OTOG: variants seen among roughly 807,000 people sequenced by gnomAD.
OTOG encodes otogelin.
A neutral mutation model predicts 313.8 loss-of-function variants in OTOG; 296 were observed. The observed-to-expected ratio is 0.94, with a 90% confidence interval of 0.86 to 1.04. The LOEUF (loss-of-function observed/expected upper bound fraction) is 1.04, where lower values mean the gene tolerates loss of function less well. OTOG is among the 50% of genes least tolerant of loss of function. The pLI is 0.00. For missense variants in OTOG, 3,948 were observed against 3,840.1 expected (o/e 1.03, Z -0.74); for synonymous variants, 1,533 against 1,554.9 (o/e 0.99, Z 0.33).
Position 17,558,583 on chromosome 11 carries a change from G to C in OTOG, c.1042G>C (p.Ala348Pro), listed in dbSNP as rs191354103. Reference protein sequence around the residue: ...CEALLRPPFDACHAYVSPLPF... With the variant: ...CEALLRPPFDPCHAYVSPLPF... Reference sequence around the variant, plus strand: ...GGCTCTACTGCGGCCCCCCTTTGACGCCTGCCACGCCTACGTCAGCCCTCT... The same window carrying C: ...GGCTCTACTGCGGCCCCCCTTTGACCCCTGCCACGCCTACGTCAGCCCTCT... Residue 348 changes from alanine (A) to proline (P), a missense_variant, in exon 10 of 56, where the codon GCC becomes CCC. Transcript: ENST00000399397. 2 of 1,550,366 alleles carry C rather than the reference G, an allele frequency of 1.3e-6. No homozygotes were observed. Among genetic ancestry groups the C allele is most frequent in the East Asian group, 2.4e-5 (1 of 40,922 alleles).
chr11:17,577,022 C>A, intron 22 of OTOG, 111 bp downstream of exon 22: 1 of 1,095,778 alleles, frequency 9.1e-7, no homozygotes, highest in Non-Finnish European at 1.3e-6. Flanking sequence ...TTTTGCCCTA[C>A]ATTGGGCCTT....
intron 32 of OTOG, among the ~76,000 whole-genome samples, chr11:17,605,513 G>A (rs1305369829): frequency 1.3e-5 from 2 of 152,198 alleles, no homozygotes; most frequent in African/African-American, 4.8e-5. Flanking sequence ...TGCGTATCTA[G>A]AATAGTGCCT....
rs1158956222 is a variant in OTOG at position 17,557,157 on chromosome 11, G to A, written c.699G>A (p.Gln233=). ...LPHVMGSARL[Q]QLAGYVIVRH... ...ATGTCATGGGGAGCGCGCGTCTGCA[G>A]CAGCTTGCCGGCTATGTCATCGTGC... The change falls in exon 8 of 56, where the codon CAG becomes CAA. Residue 233 remains glutamine, a synonymous_variant. Transcript: ENST00000399397. 18 of 1,550,574 alleles carry A rather than the reference G, an allele frequency of 1.2e-5. No individual in the cohort carries two copies. Among genetic ancestry groups the A allele is most frequent in the Non-Finnish European group, 1.6e-5 (18 of 1,147,004 alleles).
chr11:17,638,304 C>A, intron 47 of OTOG, 147 bp from the exon 48 acceptor site: 1 of 688,480 alleles, frequency 1.5e-6, no homozygotes, highest in Admixed American at 3.1e-5. Context: ...CTTCGGGTGC[C>A]CAGACTCTTC....
In OTOG at chr11:17,610,909, C is replaced by A; in HGVS notation, c.5609C>A (p.Ala1870Glu). 6.4e-7 allele frequency: 1 copy of A among 1,550,606 alleles called. No individual in the cohort carries two copies. The highest frequency in any genetic ancestry group is 8.7e-7 in the Non-Finnish European group (1 of 1,147,000). Residue 1870 changes from alanine to glutamate, a missense_variant, in exon 36 of 56, where the codon GCA becomes GAA. Transcript: ENST00000399397. ...HPPTHIAPPA[A>E]GTAPGLLLGA... ...CCCACTCACATAGCACCCCCAGCAG[C>A]AGGCACAGCTCCAGGCCTGCTGCTG...
chr11:17,610,816 C>A lies in OTOG; in HGVS notation c.5516C>A (p.Thr1839Asn), dbSNP rs1262315356. 3.9e-6 allele frequency: 6 copies of A among 1,550,920 alleles called. No individual in the cohort carries two copies. Among genetic ancestry groups the A allele is most frequent in the Non-Finnish European group, 5.2e-6 (6 of 1,147,026 alleles). ...ACTCCACTCCAGCCACAGGCCACGA[C>A]TCTGCCTGCTCAGACACTTAGCCCA... Reference protein sequence around the residue: ...ITTPLQPQATTLPAQTLSPVL... With the variant: ...ITTPLQPQATNLPAQTLSPVL... Residue 1839 changes from threonine (T) to asparagine (N), a missense_variant, in exon 36 of 56, where the codon ACT (threonine) becomes AAT (asparagine). Coordinates refer to ENST00000399397, the MANE Select transcript of OTOG (RefSeq NM_001292063.2).
At chr11:17,612,117 G>C (rs1338255073) in intron 36 of OTOG, 45 bp from the exon 37 acceptor site, 3 of 1,545,412 alleles carry the variant, frequency 1.9e-6, no homozygotes, top group Non-Finnish European at 2.6e-6. Flanking sequence ...AGGGTGGGCT[G>C]TAGCTCCTTG....
Position 17,558,270 on chromosome 11 carries a change from C to T in OTOG, c.951C>T (p.Ser317=), listed in dbSNP as rs1009931498. ...PNQPPGPTTS[S]LPRPPCLQQN... ...AGCCTCCAGGGCCCACAACTTCCTC[C>T]CTGCCTCGCCCACCGTGCCTACAGC... The change falls in exon 9 of 56, where the codon TCC becomes TCT. Residue 317 remains serine, a synonymous_variant. Transcript: ENST00000399397. The T allele has an allele frequency of 1.2e-5, 19 of 1,550,632 alleles. No homozygotes were observed. Among genetic ancestry groups the T allele is most frequent in the Admixed American group, 2.0e-5 (1 of 50,980 alleles).
At chr11:17,641,141 G>A in intron 51 of OTOG, 50 bp downstream of exon 51, 1 of 1,495,332 alleles carries the variant, frequency 6.7e-7, no homozygotes, top group Non-Finnish European at 8.9e-7. Context: ...GGCTTGCCTG[G>A]CAGACCTTGG....
intron 25 of OTOG, among the ~76,000 whole-genome samples, chr11:17,592,480 A>G (rs112804223): frequency 6.6e-6 from 1 of 152,158 alleles, no homozygotes; most frequent in Non-Finnish European, 1.5e-5. Context: ...TTCTGTTCCT[A>G]TCTCCTGTTA....
chr11:17,608,191 A>T, intron 33 of OTOG, 105 bp from the exon 34 acceptor site: 1 of 719,486 alleles, frequency 1.4e-6, no homozygotes, highest in South Asian at 2.2e-5. Context: ...CTTTCCCTGC[A>T]TGGGTCCATT....
chr11:17,578,330 A>G, intron 22 of OTOG, 43 bp from the exon 23 acceptor site: 1 of 1,439,110 alleles, frequency 6.9e-7, no homozygotes, highest in Admixed American at 2.7e-5. Context: ...AGGAGCCCAT[A>G]CTGAGGCCCC....
intron 3 of OTOG, 125 bp downstream of exon 3, chr11:17,548,337 G>A: frequency 1.4e-6 from 1 of 692,768 alleles, no homozygotes; most frequent in Non-Finnish European, 2.2e-6. Flanking sequence ...GGAACAAGCA[G>A]ATTCCTGGTA....
intron 7 of OTOG, 79 bp downstream of exon 7, chr11:17,555,976 C>A: frequency 1.7e-6 from 2 of 1,151,080 alleles, no homozygotes; most frequent in Non-Finnish European, 2.5e-6. Flanking sequence ...CCGCTCTTCT[C>A]AAGCCCAAAG....
At chr11:17,633,235 A>G (rs376758641) in intron 42 of OTOG, among the ~76,000 whole-genome samples, 1 of 152,240 alleles carries the variant, frequency 6.6e-6, no homozygotes, top group Non-Finnish European at 1.5e-5. Flanking sequence ...TTAGGCCACA[A>G]TGTAAAATCT....
At chr11:17,636,884 T>C (rs759512651) in intron 47 of OTOG, among the ~76,000 whole-genome samples, 16 of 152,130 alleles carry the variant, frequency 1.1e-4, no homozygotes, top group Non-Finnish European at 2.1e-4. Flanking sequence ...ATTTGTAAAA[T>C]AGCGATGCTA....
chr11:17,614,073 A>C (rs551732354), intron 39 of OTOG, among the ~76,000 whole-genome samples: 40 of 152,304 alleles, frequency 2.6e-4, no homozygotes, highest in African/African-American at 9.6e-4. Flanking sequence ...CCAGGAAGTG[A>C]GGAGCCGTGA....
At chr11:17,571,849 A>T (rs1228486942) in intron 17 of OTOG, among the ~76,000 whole-genome samples, 1 of 152,056 alleles carries the variant, frequency 6.6e-6, no homozygotes, top group Non-Finnish European at 1.5e-5. Flanking sequence ...CACTTTGGCT[A>T]TATGCATGTC....
At chr11:17,643,440 C>A in intron 53 of OTOG, 21 bp from the exon 54 acceptor site, 2 of 1,428,988 alleles carry the variant, frequency 1.4e-6, no homozygotes, top group Non-Finnish European at 1.8e-6. Context: ...CTACCTACCT[C>A]CCCCGACTTC....
Sources: gnomAD v4.1 joint callset for allele counts (sites outside exome capture counted in the v4.1 genomes callset) on GRCh38, gnomAD v4.1.1 for gene constraint, MANE v1.5 for transcripts, NCBI Gene and HGNC (gene_info 2026-07-23, HGNC 2026-07-21) for gene names.